Variants in MCM4 observed in about 807,000 individuals in gnomAD.
MCM4 encodes the protein minichromosome maintenance complex component 4.
MCM4 carries 60 observed loss-of-function variants against 88.7 expected under a neutral mutation model. The ratio of observed to expected loss-of-function variants is 0.68; its 90% confidence interval spans 0.55 to 0.84. MCM4 has a LOEUF of 0.84. Among genes scored for constraint, MCM4 ranks in the 40% least tolerant of loss-of-function variants. The pLI is 0.00. For synonymous variants in MCM4, 465 were observed against 410.5 expected, an observed-to-expected ratio of 1.13 and a Z score of -1.61; for missense variants, 1,149 against 1,105.5, an observed-to-expected ratio of 1.04 and a Z score of -0.56.
intron 16 of MCM4, among the ~76,000 whole-genome samples, chr8:47,976,355 G>T (rs181847203): frequency 8.5e-5 from 13 of 152,166 alleles, no homozygotes; most frequent in Non-Finnish European, 1.0e-4. Flanking sequence ...TTTGCTTTAG[G>T]TATGAAATAT....
In MCM4 at chr8:47,977,668, G is replaced by C. The variant is rs1278665614; in HGVS notation, c.*890G>C. On this transcript the variant is annotated 3_prime_UTR_variant, in exon 17 of 17. Coordinates refer to ENST00000649973, the MANE Select transcript of MCM4 (RefSeq NM_182746.3). ...AGAGACGGCTTCGCCACGTTGCCCA[G>C]GCTGCAAGCGATATGCCTAGGCTCA... 1 of 152,210 alleles carries C rather than the reference G, an allele frequency of 6.6e-6. No homozygotes were observed. The highest frequency in any genetic ancestry group is 1.5e-5 in the Non-Finnish European group (1 of 68,082). The allele number at this position is 152,210 out of a possible 1,614,324, so 9.4% of individuals were successfully genotyped here.
intron 8 of MCM4, among the ~76,000 whole-genome samples, chr8:47,964,957 T>C (rs2090885981): frequency 6.6e-6 from 1 of 152,244 alleles, no homozygotes; most frequent in Non-Finnish European, 1.5e-5. Context: ...GGCTCACGCC[T>C]ATAATCCCAG....
rs748842905 is a variant in MCM4, at chr8:47,969,870, T to C, written c.1247T>C (p.Ile416Thr). ...GTGAAGTCTGTCTACAAAACCCACA[T>C]TGATGTCATTCATTATCGGAAAACG... ...SNVKSVYKTH[I>T]DVIHYRKTDA... Residue 416 changes from isoleucine (I) to threonine (T), a missense_variant, in exon 11 of 17, where the codon ATT (isoleucine) becomes ACT (threonine). Around this residue, in one of 3 missense-constraint regions of MCM4, gnomAD observed 906 missense variants for 843.0 expected, o/e 1.07. Transcript: ENST00000649973. The C allele has an allele frequency of 8.7e-6, 14 of 1,614,210 alleles. No individual in the cohort carries two copies. The highest frequency in any genetic ancestry group is 1.1e-5 in the Non-Finnish European group (13 of 1,180,028).
rs2090910601 is a variant in MCM4 at position 47,967,447 on chromosome 8, T to C, written c.1136T>C (p.Val379Ala). The C allele has an allele frequency of 6.2e-7, 1 of 1,614,204 alleles. No individual in the cohort carries two copies. ...ATCCTGTTTGCTCACAATGATCTCG[T>C]TGACAAGGTCCAGCCTGGGGACAGA... ...TVILFAHNDL[V>A]DKVQPGDRVN... The change falls in exon 10 of 17, where the codon GTT (valine) becomes GCT (alanine). Residue 379 changes from valine to alanine, a missense_variant. Around this residue, in one of 3 missense-constraint regions of MCM4, gnomAD observed 906 missense variants for 843.0 expected, o/e 1.07. Transcript: ENST00000649973.
intron 8 of MCM4, among the ~76,000 whole-genome samples, chr8:47,965,326 A>G (rs1213432650): frequency 6.6e-6 from 1 of 151,426 alleles, no homozygotes; most frequent in Non-Finnish European, 1.5e-5. Flanking sequence ...AGAAATTAGC[A>G]AGGCACAGTG....
intron 7 of MCM4, among the ~76,000 whole-genome samples, chr8:47,963,878 A>T (rs184953196): frequency 7.9e-5 from 12 of 152,332 alleles, no homozygotes; most frequent in African/African-American, 2.9e-4. Context: ...CTGTTTCCTC[A>T]TCTGTAAAAT....
chr8:47,975,031 G>C lies in MCM4; in HGVS notation c.2365+69G>C, dbSNP rs184677662. 2.8e-5 allele frequency: 35 copies of C among 1,239,528 alleles called. No individual in the cohort carries two copies. The Admixed American group carries it at 5.8e-4, about 20-fold the overall frequency. 76.8% of individuals were successfully genotyped at this position (1,239,528 alleles called of 1,614,324 possible). On this transcript the variant is annotated intron_variant, in intron 15 of 16. Coordinates refer to ENST00000649973, the MANE Select transcript of MCM4 (RefSeq NM_182746.3). ...CAATATGCATGTAGTTTATATGTCA[G>C]ATTTAAGCTAACAGTTAAATCATTT... is the stretch of plus-strand genomic sequence containing the variant.
chr8:47,975,807 T>TA lies in MCM4; in HGVS notation c.2459dup (p.Tyr820Ter), dbSNP rs1238434040. Residue 820 changes from tyrosine (Y) to a stop codon, truncating the protein, a stop_gained and frameshift_variant, in exon 16 of 17, where the codon TAC becomes TAAC. Coordinates refer to ENST00000649973, the MANE Select transcript of MCM4 (RefSeq NM_182746.3). LOFTEE classifies it high-confidence loss of function. ...TAAGGGCAAAACACCAGCTCTAAAATACCAGCAACTTTTTGAAGATATTCG... is the reference window on the plus strand; with the variant it reads ...TAAGGGCAAAACACCAGCTCTAAAATAACCAGCAACTTTTTGAAGATATTCG... ...LSKGKTPALK[Y>*]QQLFEDIRGQ... The TA allele has an allele frequency of 6.3e-7, 1 of 1,585,800 alleles. No homozygotes were observed. The highest frequency in any genetic ancestry group is 8.5e-7 in the Non-Finnish European group (1 of 1,169,884).
At chr8:47,971,918 G>C (rs1441622762) in intron 13 of MCM4, among the ~76,000 whole-genome samples, 2 of 149,258 alleles carry the variant, frequency 1.3e-5, no homozygotes. Context: ...AAAAACAGTT[G>C]AATGTGTTTT....
rs1224877894 is a variant in MCM4 at position 47,962,981 on chromosome 8, T to C, written c.634T>C (p.Cys212Arg). The C allele has an allele frequency of 1.2e-6, 2 of 1,608,014 alleles. No individual in the cohort carries two copies. The highest frequency in any genetic ancestry group is 1.7e-6 in the Non-Finnish European group (2 of 1,177,670). Reference sequence around the variant, plus strand: ...TGGTGAGCCATTTTTAAATGTGAACTGTGAACACATCAAATCATTTGACAA... The same window carrying C: ...TGGTGAGCCATTTTTAAATGTGAACCGTGAACACATCAAATCATTTGACAA... Reference protein sequence around the residue: ...VIGEPFLNVNCEHIKSFDKNL... With the variant: ...VIGEPFLNVNREHIKSFDKNL... The change falls in exon 7 of 17, where the codon TGT becomes CGT. Residue 212 changes from cysteine to arginine, a missense_variant. Physicochemically the swap from Cys to Arg is radical, Grantham distance 180 (BLOSUM62 -3). Transcript: ENST00000649973.
rs1278665614 is a variant in MCM4, at chr8:47,977,668, G to A, written c.*890G>A. On this transcript the variant is annotated 3_prime_UTR_variant, in exon 17 of 17. Transcript: ENST00000649973. ...AGAGACGGCTTCGCCACGTTGCCCA[G>A]GCTGCAAGCGATATGCCTAGGCTCA... is the stretch of plus-strand genomic sequence containing the variant. 2.0e-5 allele frequency: 3 copies of A among 152,210 alleles called. No homozygotes were observed. The highest frequency in any genetic ancestry group is 4.4e-5 in the Non-Finnish European group (3 of 68,082). 9.4% of individuals were successfully genotyped at this position (152,210 alleles called of 1,614,324 possible). A position where few individuals can be genotyped will look rare whatever the true frequency, so the allele number is the denominator to read the frequency against.
chr8:47,974,629 A>T, intron 14 of MCM4, 105 bp from the exon 15 acceptor site: 2 of 839,448 alleles, frequency 2.4e-6, no homozygotes, highest in Non-Finnish European at 2.0e-6. Flanking sequence ...ACCATATCTG[A>T]GTTCCGTTTA....
At chr8:47,961,384 C>T (rs2154504951) in intron 2 of MCM4, 132 bp from the exon 3 acceptor site, 1 of 1,545,130 alleles carries the variant, frequency 6.5e-7, no homozygotes. Context: ...CTGGGTGCTG[C>T]TTAATTCGAT....
In MCM4 at chr8:47,973,010, G is replaced by C. The variant is rs201709288; in HGVS notation, c.2082G>C (p.Ala694=). Reference sequence around the variant, plus strand: ...TGCTAAAGGACTACATTGCCTACGCGCACAGCACCATCATGCCGCGGCTAA... The same window carrying C: ...TGCTAAAGGACTACATTGCCTACGCCCACAGCACCATCATGCCGCGGCTAA... ...MAVLKDYIAY[A]HSTIMPRLSE... Residue 694 remains alanine (A), a synonymous_variant, in exon 14 of 17, where the codon GCG becomes GCC. Transcript: ENST00000649973. 1.4e-4 allele frequency: 231 copies of C among 1,614,022 alleles called. No homozygotes were observed. In the East Asian group the frequency reaches 3.7e-3, roughly 26 times the overall value.
chr8:47,976,382 A>T (rs1036233483), intron 16 of MCM4, among the ~76,000 whole-genome samples: 1 of 152,090 alleles, frequency 6.6e-6, no homozygotes, highest in Non-Finnish European at 1.5e-5. Context: ...GTCCTTTTGT[A>T]AATAAGTAAG....
At chr8:47,966,857 A>C (rs919949862) in intron 9 of MCM4, among the ~76,000 whole-genome samples, 5 of 152,218 alleles carry the variant, frequency 3.3e-5, no homozygotes, top group African/African-American at 1.2e-4. Flanking sequence ...GAAGGTAGAA[A>C]ATTGCTTATT....
intron 2 of MCM4, 51 bp from the exon 3 acceptor site, chr8:47,961,465 A>G (rs754644116): frequency 3.7e-6 from 6 of 1,612,212 alleles, no homozygotes; most frequent in Non-Finnish European, 5.1e-6. Flanking sequence ...AAATCCAGGA[A>G]GGCCGGCCCT....
chr8:47,970,910 G>A (rs1405939111), intron 12 of MCM4, 34 bp downstream of exon 12: 2 of 1,548,906 alleles, frequency 1.3e-6, no homozygotes, highest in Admixed American at 1.9e-5. Context: ...ACATGGACGT[G>A]TTTAAAATAT....
At position 47,960,946 on chromosome 8, in the gene MCM4, T is replaced by C; in HGVS notation, c.-83T>C. 1.9e-6 allele frequency: 1 copy of C among 531,484 alleles called. No individual in the cohort carries two copies. The highest frequency in any genetic ancestry group is 3.2e-6 in the Non-Finnish European group (1 of 317,034). 32.9% of individuals were successfully genotyped at this position (531,484 alleles called of 1,614,324 possible). ...CGGCGGGAACTCTGGGTCTCGCGGTTTGGGAGCGCTACTCGCCAGGTGGAC... is the reference window on the plus strand; with the variant it reads ...CGGCGGGAACTCTGGGTCTCGCGGTCTGGGAGCGCTACTCGCCAGGTGGAC... On this transcript the variant is annotated 5_prime_UTR_variant, in exon 1 of 17. Transcript: ENST00000649973.
Sources: gnomAD v4.1 joint callset for allele counts (sites outside exome capture counted in the v4.1 genomes callset) on GRCh38, gnomAD v4.1.1 for gene constraint, gnomAD v4.1.1 regional missense constraint, MANE v1.5 for transcripts, NCBI Gene and HGNC (gene_info 2026-07-23, HGNC 2026-07-21) for gene names.